The following TSPAN2 variants were observed in gnomAD, a reference collection of about 807,000 sequenced individuals.
TSPAN2 encodes the protein tetraspanin 2, also known as tetraspanin-2.
In TSPAN2, 24 loss-of-function variants were observed where a neutral mutation model predicts 33.3. The ratio of observed to expected loss-of-function variants is 0.72; its 90% CI spans 0.52 to 1.01. The LOEUF (loss-of-function observed/expected upper bound fraction) is 1.01. Among genes scored for constraint, TSPAN2 ranks in the 50% least tolerant of loss-of-function variants. TSPAN2 has a pLI of 0.00. For missense variants in TSPAN2, 278 were observed against 281.3 expected (o/e 0.99, Z 0.08); for synonymous variants, 114 against 104.5 (o/e 1.09, Z -0.56).
At chr1:115,077,600 G>A (rs1175209957) in intron 1 of TSPAN2, among the ~76,000 whole-genome samples, 2 of 152,188 alleles carry the variant, frequency 1.3e-5, no homozygotes, top group African/African-American at 4.8e-5. Context: ...AAAGCAAAGT[G>A]GATGGACAAA....
chr1:115,082,221 T>C (rs1407830238), intron 1 of TSPAN2, among the ~76,000 whole-genome samples: 2 of 152,228 alleles, frequency 1.3e-5, no homozygotes, highest in African/African-American at 4.8e-5. Context: ...AATAGCTACA[T>C]GTGATCAGTA....
chr1:115,060,738 A>G (rs1647685413), intron 3 of TSPAN2, among the ~76,000 whole-genome samples, 200 bp from the exon 4 acceptor site: 1 of 152,240 alleles, frequency 6.6e-6, no homozygotes, highest in South Asian at 2.1e-4. Flanking sequence ...GGTGAACAAG[A>G]TAATATCCAA....
chr1:115,065,595 A>C (rs1475571762), intron 2 of TSPAN2, among the ~76,000 whole-genome samples: 1 of 152,204 alleles, frequency 6.6e-6, no homozygotes, highest in Non-Finnish European at 1.5e-5. Flanking sequence ...AAAATTTAAA[A>C]AGTATTTAAA....
chr1:115,060,330 C>T (rs761024749), intron 4 of TSPAN2, 134 bp downstream of exon 4: 7 of 692,462 alleles, frequency 1.0e-5, no homozygotes, highest in Non-Finnish European at 1.7e-5. Context: ...CAGTTCTGCA[C>T]ACCACTTCTA....
chr1:115,054,194 AGGGAT>A (rs1012802145), intron 6 of TSPAN2, among the ~76,000 whole-genome samples: 4 of 152,174 alleles, frequency 2.6e-5, no homozygotes, highest in Non-Finnish European at 5.9e-5. Context: ...TCTTAAGTAG[AGGGAT>A]GCTCTCAATC....
At chr1:115,077,180 A>G (rs1648444883) in intron 1 of TSPAN2, among the ~76,000 whole-genome samples, 1 of 152,030 alleles carries the variant, frequency 6.6e-6, no homozygotes, top group Admixed American at 6.6e-5. Flanking sequence ...CAGCCTCTCA[A>G]AGTACTAGGA....
At chr1:115,053,337 CT>C in intron 7 of TSPAN2, 41 bp downstream of exon 7, 1 of 1,572,234 alleles carries the variant, frequency 6.4e-7, no homozygotes, top group Admixed American at 1.7e-5. Flanking sequence ...AGTTTCAAGG[CT>C]TTTTAGAGGG....
intron 1 of TSPAN2, among the ~76,000 whole-genome samples, chr1:115,085,450 C>CA: frequency 6.6e-6 from 1 of 152,266 alleles, no homozygotes; most frequent in Middle Eastern, 3.4e-3. Flanking sequence ...AATCGCAGAT[C>CA]ACCAAACAGA....
At chr1:115,059,108 T>C in intron 4 of TSPAN2, 127 bp from the exon 5 acceptor site, 1 of 755,522 alleles carries the variant, frequency 1.3e-6, no homozygotes, top group South Asian at 1.6e-5. Flanking sequence ...AATGATACAA[T>C]GGACTTTGGG....
intron 7 of TSPAN2, among the ~76,000 whole-genome samples, chr1:115,051,241 C>T (rs1055565907): frequency 6.6e-6 from 1 of 151,692 alleles, no homozygotes; most frequent in Non-Finnish European, 1.5e-5. Flanking sequence ...CCCAGGAGGT[C>T]GAGGCTGCAG....
chr1:115,061,991 C>T (rs1477164393), intron 3 of TSPAN2, 144 bp downstream of exon 3: 3 of 676,942 alleles, frequency 4.4e-6, no homozygotes. Flanking sequence ...ATGGAGAAAC[C>T]AAGACTGAGG....
chr1:115,074,429 A>G (rs1383237364), intron 1 of TSPAN2, among the ~76,000 whole-genome samples: 4 of 152,134 alleles, frequency 2.6e-5, no homozygotes, highest in Non-Finnish European at 5.9e-5. Flanking sequence ...AGAGGGGCAG[A>G]ATTCTACCAG....
intron 7 of TSPAN2, 60 bp downstream of exon 7, chr1:115,053,319 A>G: frequency 1.4e-6 from 2 of 1,446,876 alleles, no homozygotes; most frequent in Non-Finnish European, 1.9e-6. Flanking sequence ...AAAAGAAATA[A>G]GATGCAAAGT....
chr1:115,089,291 G>A lies in TSPAN2; in HGVS notation c.69+73C>T, dbSNP rs527283677. On this transcript the variant is annotated intron_variant, in intron 1 of 7. Coordinates refer to ENST00000369516, the MANE Select transcript of TSPAN2 (RefSeq NM_005725.6). The stretch of plus-strand genomic sequence containing the variant: ...CGCGACTCGGACGCCGCAGTCAGCA[G>A]CTCGGGGACCCCGGCCCCGCGCCCG... The A allele has an allele frequency of 1.4e-4, 196 of 1,378,020 alleles. 1 individual carries two copies. In the African/African-American group the frequency reaches 2.8e-3, roughly 20 times the overall value. 85.4% of individuals were successfully genotyped at this position (1,378,020 alleles called of 1,614,324 possible). A position where few individuals can be genotyped will look rare whatever the true frequency, so the allele number is the denominator to read the frequency against.
At chr1:115,062,798 C>G (rs1647786423) in intron 2 of TSPAN2, among the ~76,000 whole-genome samples, 1 of 152,224 alleles carries the variant, frequency 6.6e-6, no homozygotes, top group Admixed American at 6.5e-5. Flanking sequence ...TGGTGCCCCG[C>G]CTCTGTGGGG....
chr1:115,072,835 G>A (rs1648234393), intron 2 of TSPAN2, 70 bp downstream of exon 2: 45 of 1,358,650 alleles, frequency 3.3e-5, no homozygotes, highest in Non-Finnish European at 4.5e-5. Context: ...TTCAAGTGCA[G>A]CTTCTGCTCT....
chr1:115,083,489 T>G (rs970563948), intron 1 of TSPAN2, among the ~76,000 whole-genome samples: 12 of 152,150 alleles, frequency 7.9e-5, no homozygotes, highest in South Asian at 2.1e-4. Flanking sequence ...CCTGCTTCAG[T>G]CAGAAACAAG....
intron 4 of TSPAN2, 100 bp from the exon 5 acceptor site, chr1:115,059,081 A>C (rs980286758): frequency 3.4e-6 from 3 of 894,826 alleles, no homozygotes; most frequent in African/African-American, 1.7e-5. Flanking sequence ...TTTGAAAAAC[A>C]CTGCCTTTCT....
chr1:115,083,076 T>C (rs1020581601), intron 1 of TSPAN2, among the ~76,000 whole-genome samples: 1 of 152,238 alleles, frequency 6.6e-6, no homozygotes, highest in South Asian at 2.1e-4. Flanking sequence ...TAACCCGAGT[T>C]AATTCATCTG....
Sources: allele counts gnomAD v4.1 joint callset (sites outside exome capture counted in the v4.1 genomes callset), GRCh38; gene constraint gnomAD v4.1.1; transcripts MANE v1.5; gene names NCBI Gene and HGNC (gene_info 2026-07-23, HGNC 2026-07-21).